The following RASA3 variants were observed in gnomAD, a reference collection of about 807,000 sequenced individuals.
RASA3 encodes the protein ras GTPase-activating protein 3.
RASA3 carries 73 observed loss-of-function variants against 110.0 expected under a neutral mutation model. The observed-to-expected ratio is 0.66, with a 90% CI of 0.55 to 0.81. The LOEUF (loss-of-function observed/expected upper bound fraction) is 0.81, where lower values mean the gene tolerates loss of function less well. Ranked by LOEUF, RASA3 falls within the 30% of genes least tolerant of loss-of-function variation. The pLI is 0.00. For missense variants in RASA3, 976 were observed against 1,113.2 expected (o/e 0.88, Z 1.75); for synonymous variants, 500 against 451.4 (o/e 1.11, Z -1.37).
chr13:114,023,410 C>A (rs561545273), intron 8 of RASA3, among the ~76,000 whole-genome samples: 2 of 152,334 alleles, frequency 1.3e-5, no homozygotes, highest in South Asian at 4.1e-4. Flanking sequence ...GAGCCGTTTC[C>A]TTCCTTCTCT....
chr13:114,043,645 A>G (rs565608780), intron 3 of RASA3, among the ~76,000 whole-genome samples: 1 of 152,206 alleles, frequency 6.6e-6, no homozygotes, highest in Admixed American at 6.5e-5. Context: ...GGCAGGCGAG[A>G]GCCAAATCAA....
In RASA3 at chr13:114,024,873, C is replaced by T. The variant is rs549279754; in HGVS notation, c.604-518G>A. Among the ~76,000 whole-genome samples, 8 of 152,154 alleles carry T rather than the reference C, an allele frequency of 5.3e-5. No homozygotes were observed. In the South Asian group the frequency reaches 1.0e-3, roughly 20 times the overall value. On this transcript the variant is annotated intron_variant, in intron 7 of 23. Transcript: ENST00000334062. Reference sequence around the variant, plus strand: ...AGGGTCAGACGGTGGAAAGTCAAGACGCTGCTACCTTCCTCCTGACACCTC... The same window carrying T: ...AGGGTCAGACGGTGGAAAGTCAAGATGCTGCTACCTTCCTCCTGACACCTC...
At chr13:114,000,081 G>A (rs1425209790) in intron 19 of RASA3, among the ~76,000 whole-genome samples, 1 of 128,700 alleles carries the variant, frequency 7.8e-6, no homozygotes, top group Non-Finnish European at 1.7e-5. Context: ...CTGCCAGGAG[G>A]GTCTCTGCTG....
intron 1 of RASA3, among the ~76,000 whole-genome samples, chr13:114,076,273 C>A (rs532816847): frequency 1.1e-4 from 17 of 152,318 alleles, no homozygotes; most frequent in Admixed American, 5.2e-4. Context: ...CAATGATAAT[C>A]GGTTGGTGGG....
At chr13:114,023,476 G>A (rs2053969421) in intron 8 of RASA3, among the ~76,000 whole-genome samples, 1 of 152,228 alleles carries the variant, frequency 6.6e-6, no homozygotes. Flanking sequence ...CTCTTCATAG[G>A]GAATGGAGGC....
chr13:114,018,964 G>A, intron 9 of RASA3, 45 bp from the exon 10 acceptor site: 2 of 1,608,088 alleles, frequency 1.2e-6, no homozygotes, highest in South Asian at 1.1e-5. Context: ...GGCTGCATCT[G>A]CCAAGGAGCA....
chr13:114,082,649 G>A (rs1194038542), intron 1 of RASA3, among the ~76,000 whole-genome samples: 3 of 152,210 alleles, frequency 2.0e-5, no homozygotes, highest in Non-Finnish European at 2.9e-5. Context: ...CCCCAGAGAA[G>A]GAATGGGGGG....
At chr13:114,106,431 A>C (rs1463167895) in intron 1 of RASA3, among the ~76,000 whole-genome samples, 1 of 152,252 alleles carries the variant, frequency 6.6e-6, no homozygotes, top group Non-Finnish European at 1.5e-5. Context: ...TAAAAATGAT[A>C]GGTCTAATTT....
At chr13:114,117,825 G>A (rs1423393852) in intron 1 of RASA3, among the ~76,000 whole-genome samples, 5 of 145,740 alleles carry the variant, frequency 3.4e-5, no homozygotes, top group African/African-American at 1.3e-4. Context: ...AGGGGTGCAC[G>A]TGTGTGAGGG....
rs1269097370 is a variant in RASA3, at chr13:114,048,527, G to A, written c.277+3525C>T. Among the ~76,000 whole-genome samples the A allele has an allele frequency of 1.3e-5, 2 of 152,180 alleles. No individual in the cohort carries two copies. The highest frequency in any genetic ancestry group is 2.1e-4 in the South Asian group (1 of 4,832). ...AGACCCCAATGCTCCTGACAGCACC[G>A]AGCCGGGCCTCGCGCATTTCCGTGG... On this transcript the variant is annotated intron_variant, in intron 3 of 23. Transcript: ENST00000334062. The surrounding 1 kb of genome is among the most constrained non-coding windows in gnomAD (Gnocchi z 4.3).
At chr13:114,080,666 G>GGTCTCCCCCAGGGGCCA (rs2079768991) in intron 1 of RASA3, among the ~76,000 whole-genome samples, 2 of 135,232 alleles carry the variant, frequency 1.5e-5, no homozygotes, top group Admixed American at 7.6e-5. Context: ...CCCGACAACG[G>GGTCTCCCCCAGGGGCCA]CTGAAACAGG....
At chr13:114,076,429 C>A (rs1052535993) in intron 1 of RASA3, among the ~76,000 whole-genome samples, 1 of 152,116 alleles carries the variant, frequency 6.6e-6, no homozygotes, top group Non-Finnish European at 1.5e-5. Context: ...GGCCTCAGGT[C>A]GGTCATCCCA....
chr13:113,984,606 C>T (rs938917440), intron 22 of RASA3, among the ~76,000 whole-genome samples: 6 of 53,840 alleles, frequency 1.1e-4, no homozygotes, highest in African/African-American at 3.5e-4. Flanking sequence ...AACACTCACC[C>T]ATCTGTCCAT....
At chr13:114,007,928 C>G (rs2053552810) in intron 17 of RASA3, among the ~76,000 whole-genome samples, 1 of 121,860 alleles carries the variant, frequency 8.2e-6, no homozygotes, top group African/African-American at 3.2e-5. Flanking sequence ...TCAGGCATCC[C>G]TGACTGTGGG....
chr13:114,096,690 C>T lies in RASA3; in HGVS notation c.56-22853G>A, dbSNP rs774597040. ...CTGTAGCACCACACTGACTAGCGTG[C>T]GGGTCTCCACCACAGTTATGACCAC... On this transcript the variant is annotated intron_variant, in intron 1 of 23. Transcript: ENST00000334062. The surrounding 1 kb of genome is among the most constrained non-coding windows in gnomAD (Gnocchi z 5.1). Among the ~76,000 whole-genome samples, 6 of 152,108 alleles carry T rather than the reference C, an allele frequency of 3.9e-5. No homozygotes were observed. Among genetic ancestry groups the T allele is most frequent in the South Asian group, 4.1e-4 (2 of 4,830 alleles).
At chr13:114,000,501 C>T (rs1034674225) in intron 19 of RASA3, among the ~76,000 whole-genome samples, 1 of 152,164 alleles carries the variant, frequency 6.6e-6, no homozygotes, top group Non-Finnish European at 1.5e-5. Context: ...TCTACCTCGG[C>T]GGAGCGGCAC....
intron 2 of RASA3, among the ~76,000 whole-genome samples, chr13:114,061,615 T>C (rs2079350397): frequency 6.8e-6 from 1 of 147,826 alleles, no homozygotes; most frequent in Non-Finnish European, 1.5e-5. Flanking sequence ...AGGCGGAGGT[T>C]GCAGTGAACC....
intron 1 of RASA3, among the ~76,000 whole-genome samples, chr13:114,118,936 AACCAGGGGAGC>A (rs2080330306): frequency 6.6e-6 from 1 of 152,238 alleles, no homozygotes; most frequent in Non-Finnish European, 1.5e-5. Flanking sequence ...CCCAGAAGGA[AACCAGGGGAGC>A]ACAGAACTAA....
At chr13:114,013,392 T>TCTCTGTCTCC (rs1303422909) in intron 14 of RASA3, 144 bp from the exon 15 acceptor site, 29 of 594,922 alleles carry the variant, frequency 4.9e-5, no homozygotes, top group East Asian at 8.8e-5. Context: ...TCTCTCCCTC[T>TCTCTGTCTCC]CTCTGTTTCC....
Sources: allele counts gnomAD v4.1 joint callset (sites outside exome capture counted in the v4.1 genomes callset), GRCh38; gene constraint gnomAD v4.1.1; non-coding constraint Gnocchi (gnomAD v3.1); transcripts MANE v1.5; gene names NCBI Gene and HGNC (gene_info 2026-07-23, HGNC 2026-07-21).